The following PRDM16 variants were observed in gnomAD, a reference collection of about 807,000 sequenced individuals.
The protein encoded by PRDM16 is histone-lysine N-methyltransferase PRDM16.
PRDM16 carries 23 observed loss-of-function variants against 110.6 expected under a neutral mutation model. The observed-to-expected ratio is 0.21, with a 90% CI of 0.15 to 0.29. PRDM16 has a LOEUF of 0.29. PRDM16 is among the 10% of genes least tolerant of loss of function. PRDM16 has a pLI of 1.00. For missense variants in PRDM16, 1,615 were observed against 1,794.3 expected (o/e 0.90, Z 1.81); for synonymous variants, 799 against 781.8 (o/e 1.02, Z -0.37).
chr1:3,134,228 G>C (rs977046009), intron 1 of PRDM16, among the ~76,000 whole-genome samples: 21 of 152,330 alleles, frequency 1.4e-4, no homozygotes, highest in African/African-American at 5.1e-4. Flanking sequence ...CTCCCACAGA[G>C]AGGGGATTGT....
intron 1 of PRDM16, among the ~76,000 whole-genome samples, chr1:3,085,047 G>C (rs1477285303): frequency 6.6e-6 from 1 of 152,192 alleles, no homozygotes; most frequent in Non-Finnish European, 1.5e-5. Context: ...TGCACCCCTT[G>C]GTCCCCAGCC....
At chr1:3,424,537 C>T (rs1470152051) in intron 12 of PRDM16, among the ~76,000 whole-genome samples, 2 of 152,258 alleles carry the variant, frequency 1.3e-5, no homozygotes, top group Non-Finnish European at 2.9e-5. Flanking sequence ...AACTTCCCCA[C>T]GTGCACGGTG....
At chr1:3,387,038 T>C (rs1237296604) in intron 4 of PRDM16, 1 of 152,200 alleles carries the variant, frequency 6.6e-6, no homozygotes, top group African/African-American at 2.4e-5. Context: ...TCGGGGAAGC[T>C]TTCCTTTTAG....
intron 3 of PRDM16, among the ~76,000 whole-genome samples, chr1:3,322,513 GACCCCCACCC>G (rs1053246946): frequency 1.3e-5 from 2 of 152,034 alleles, no homozygotes; most frequent in Non-Finnish European, 2.9e-5. Context: ...TAAGACCCAG[GACCCCCACCC>G]ACCCCCACTC....
At chr1:3,129,600 G>A (rs950198283) in intron 1 of PRDM16, among the ~76,000 whole-genome samples, 2 of 152,116 alleles carry the variant, frequency 1.3e-5, no homozygotes, top group South Asian at 2.1e-4. Flanking sequence ...GGGTCAGGAC[G>A]GGATGGGGAC....
chr1:3,422,255 A>G (rs1238956003), intron 12 of PRDM16, among the ~76,000 whole-genome samples: 1 of 147,732 alleles, frequency 6.8e-6, no homozygotes, highest in Non-Finnish European at 1.5e-5. Context: ...AAGAAGGCAG[A>G]CAGACAGGCA....
intron 3 of PRDM16, among the ~76,000 whole-genome samples, chr1:3,277,263 A>G (rs1640607431): frequency 2.0e-5 from 3 of 152,120 alleles, no homozygotes; most frequent in Admixed American, 2.0e-4. Flanking sequence ...TCTTGCAAAC[A>G]GTCGAGTCCT....
chr1:3,430,945 G>A lies in PRDM16; in HGVS notation c.3358G>A (p.Glu1120Lys), dbSNP rs1638748274. ...CAGTGAGAAGCAGGAGGACGTGGAG[G>A]AGGAGGACGACGATGACCTGGAGGA... ...LASEKQEDVE[E>K]EDDDDLEEDD... is the part of the protein sequence containing the mutation. Residue 1120 changes from glutamate to lysine, a missense_variant, in exon 15 of 17, where the codon GAG becomes AAG. Physicochemically the swap from Glu to Lys is moderately conservative, Grantham distance 56 (BLOSUM62 1). Around this residue, in one of 5 missense-constraint regions of PRDM16, gnomAD observed 327 missense variants for 359.3 expected, o/e 0.91. Coordinates refer to ENST00000270722, the MANE Select transcript of PRDM16 (RefSeq NM_022114.4). 1 of 1,613,808 alleles carries A rather than the reference G, an allele frequency of 6.2e-7. No homozygotes were observed.
At chr1:3,296,504 A>T (rs1641092474) in intron 3 of PRDM16, among the ~76,000 whole-genome samples, 1 of 152,218 alleles carries the variant, frequency 6.6e-6, no homozygotes, top group South Asian at 2.1e-4. Context: ...ACCAGCCCTA[A>T]CCCGGGGCCT....
At chr1:3,238,879 G>C (rs1211310158) in intron 2 of PRDM16, among the ~76,000 whole-genome samples, 1 of 152,240 alleles carries the variant, frequency 6.6e-6, no homozygotes, top group South Asian at 2.1e-4. Flanking sequence ...GCAGCTCCTC[G>C]ACATCTGCCC....
chr1:3,124,406 T>C (rs531232282), intron 1 of PRDM16, among the ~76,000 whole-genome samples: 2 of 152,326 alleles, frequency 1.3e-5, no homozygotes, highest in African/African-American at 4.8e-5. Context: ...ACCTATGTCT[T>C]TCAGCCAGGA....
At chr1:3,271,414 T>C (rs550204142) in intron 3 of PRDM16, among the ~76,000 whole-genome samples, 11 of 152,122 alleles carry the variant, frequency 7.2e-5, no homozygotes, top group Non-Finnish European at 1.5e-4. Context: ...GGGTGAAGAA[T>C]TCACTCTTAA....
At chr1:3,237,771 C>T (rs1248049797) in intron 2 of PRDM16, among the ~76,000 whole-genome samples, 1 of 152,252 alleles carries the variant, frequency 6.6e-6, no homozygotes, top group Non-Finnish European at 1.5e-5. Flanking sequence ...GTTCTTGGAA[C>T]ATCAGAAAGA....
At chr1:3,398,423 T>G (rs1019875736) in intron 5 of PRDM16, among the ~76,000 whole-genome samples, 1 of 152,142 alleles carries the variant, frequency 6.6e-6, no homozygotes, top group African/African-American at 2.4e-5. Context: ...CCCCCACCAG[T>G]TAAACTCTGA....
At chr1:3,169,648 G>GA (rs1232891802) in intron 1 of PRDM16, among the ~76,000 whole-genome samples, 74 of 151,178 alleles carry the variant, frequency 4.9e-4, no homozygotes, top group African/African-American at 1.6e-3. Context: ...AACGATTAAA[G>GA]AAAAAAAAAC....
chr1:3,295,496 G>A (rs1362785506), intron 3 of PRDM16, among the ~76,000 whole-genome samples: 1 of 152,136 alleles, frequency 6.6e-6, no homozygotes, highest in East Asian at 1.9e-4. Flanking sequence ...TGGGGGCTGG[G>A]AAGAGAGTGT....
Position 3,371,178 on chromosome 1 carries a change from TATCCATCC to T in PRDM16, c.439-13952_439-13945del, listed in dbSNP as rs1279336769. On this transcript the variant is annotated intron_variant, in intron 3 of 16. Transcript: ENST00000270722. The stretch of plus-strand genomic sequence containing the variant: ...TCCATCCACCCACCGATCCACCATC[TATCCATCC>T]ATCCATCCATCCATCCATCCACCCA... Among the ~76,000 whole-genome samples, 6 of 100,240 alleles carry T rather than the reference TATCCATCC, an allele frequency of 6.0e-5. No homozygotes were observed. The South Asian group carries it at 1.2e-3, about 21-fold the overall frequency. The allele number at this position is 100,240 out of a possible 152,430, so 65.8% of individuals were successfully genotyped here.
intron 2 of PRDM16, among the ~76,000 whole-genome samples, chr1:3,240,328 C>T (rs1474656775): frequency 6.7e-6 from 1 of 149,706 alleles, no homozygotes; most frequent in African/African-American, 2.5e-5. Context: ...TTGAGAGGAT[C>T]GCTTGAGCTC....
rs1256535926 is a variant in PRDM16, at chr1:3,434,207, A to C, written c.*396A>C. On this transcript the variant is annotated 3_prime_UTR_variant, in exon 17 of 17. Coordinates refer to ENST00000270722, the MANE Select transcript of PRDM16 (RefSeq NM_022114.4). ...ATAGACTGGTGTGCTCAAAAGAGAG[A>C]GATCACTCAAATGATTTTTATAATG... 4.0e-6 allele frequency: 1 copy of C among 249,890 alleles called. No individual in the cohort carries two copies. Among genetic ancestry groups the C allele is most frequent in the African/African-American group, 2.2e-5 (1 of 45,944 alleles). The allele number at this position is 249,890 out of a possible 1,614,324, so 15.5% of individuals were successfully genotyped here.
Sources: gnomAD v4.1 joint callset for allele counts (sites outside exome capture counted in the v4.1 genomes callset) on GRCh38, gnomAD v4.1.1 for gene constraint, gnomAD v4.1.1 regional missense constraint, MANE v1.5 for transcripts, NCBI Gene and HGNC (gene_info 2026-07-23, HGNC 2026-07-21) for gene names.